The following PRICKLE2 variants were observed in gnomAD, a reference collection of about 807,000 sequenced individuals.
PRICKLE2 encodes prickle-like protein 2.
In PRICKLE2, 21 loss-of-function variants were observed where a neutral mutation model predicts 81.4. The observed-to-expected ratio is 0.26, with a 90% CI of 0.18 to 0.37. The LOEUF (loss-of-function observed/expected upper bound fraction) is 0.37. Ranked by LOEUF, PRICKLE2 falls within the 10% of genes least tolerant of loss-of-function variation. PRICKLE2 has a pLI of 1.00. For synonymous variants in PRICKLE2, 456 were observed against 421.5 expected, an observed-to-expected ratio of 1.08 and a Z score of -1.00; for missense variants, 940 against 1,109.0, an observed-to-expected ratio of 0.85 and a Z score of 2.16.
chr3:64,142,761 A>G (rs1025868176), intron 7 of PRICKLE2, among the ~76,000 whole-genome samples: 1 of 152,228 alleles, frequency 6.6e-6, no homozygotes, highest in African/African-American at 2.4e-5. Context: ...TAACCATTAT[A>G]GAAGGTCATA....
chr3:64,099,019 C>T lies in PRICKLE2; in HGVS notation c.*32G>A, dbSNP rs2076609662. 1.2e-6 allele frequency: 2 copies of T among 1,613,106 alleles called. No individual in the cohort carries two copies. Among genetic ancestry groups the T allele is most frequent in the Non-Finnish European group, 1.7e-6 (2 of 1,179,166 alleles). On this transcript the variant is annotated 3_prime_UTR_variant, in exon 8 of 8. Transcript: ENST00000638394. The surrounding 1 kb of genome is among the most constrained non-coding windows in gnomAD (Gnocchi z 4.3). ...GTTTCTGACTTTACATTCTTAGCTC[C>T]CATCTTCTCCCATTCCCTGATCCCA...
At position 64,110,180 on chromosome 3, in the gene PRICKLE2, T is replaced by G. The variant is rs139373497; in HGVS notation, c.1661-10255A>C. 3.4e-4 allele frequency among the ~76,000 whole-genome samples: 52 copies of G among 152,268 alleles called. No homozygotes were observed. The East Asian group carries it at 9.8e-3, about 29-fold the overall frequency. On this transcript the variant is annotated intron_variant, in intron 7 of 7. Transcript: ENST00000638394. ...CAACAAATTCAGACCAGTTGAAGATTTTTTTGCCAGAGTTTGCTCTGGGTT... is the reference window on the plus strand; with the variant it reads ...CAACAAATTCAGACCAGTTGAAGATGTTTTTGCCAGAGTTTGCTCTGGGTT...
intron 2 of PRICKLE2, among the ~76,000 whole-genome samples, chr3:64,263,915 G>T (rs1160407109): frequency 6.6e-6 from 1 of 152,136 alleles, no homozygotes; most frequent in African/African-American, 2.4e-5. Flanking sequence ...CATCACAGTG[G>T]ATTGTCTAAA....
chr3:64,132,293 C>G (rs2077208044), intron 7 of PRICKLE2, among the ~76,000 whole-genome samples: 1 of 152,180 alleles, frequency 6.6e-6, no homozygotes, highest in East Asian at 1.9e-4. Context: ...CCATTCTCCA[C>G]CCTACTCTGC....
chr3:64,118,871 T>TGTA (rs879425627), intron 7 of PRICKLE2, among the ~76,000 whole-genome samples: 2 of 151,910 alleles, frequency 1.3e-5, no homozygotes, highest in African/African-American at 4.8e-5. Context: ...CAAATAAATA[T>TGTA]TATATCCAAA....
At chr3:64,250,305 T>C (rs2107179468) in intron 2 of PRICKLE2, among the ~76,000 whole-genome samples, 1 of 152,338 alleles carries the variant, frequency 6.6e-6, no homozygotes, top group African/African-American at 2.4e-5. Context: ...CATCTCTGAC[T>C]TCTACCTATT....
chr3:64,136,365 T>G (rs1049687674), intron 7 of PRICKLE2, among the ~76,000 whole-genome samples: 8 of 150,106 alleles, frequency 5.3e-5, no homozygotes, highest in Admixed American at 3.3e-4. Context: ...TCTCTGGGGG[T>G]GTGTGTTCGA....
At chr3:64,180,231 C>T (rs1414948579) in intron 2 of PRICKLE2, among the ~76,000 whole-genome samples, 1 of 152,228 alleles carries the variant, frequency 6.6e-6, no homozygotes, top group Non-Finnish European at 1.5e-5. Flanking sequence ...GGTTCATCCT[C>T]AACAAAGACC....
At chr3:64,165,938 G>T (rs570344801) in intron 2 of PRICKLE2, among the ~76,000 whole-genome samples, 49 of 151,200 alleles carry the variant, frequency 3.2e-4, no homozygotes, top group Non-Finnish European at 6.2e-4. Context: ...TTGACTTCAG[G>T]GGAAAAATGG....
intron 1 of PRICKLE2, among the ~76,000 whole-genome samples, chr3:64,210,274 C>A (rs780993359): frequency 2.0e-5 from 3 of 152,136 alleles, no homozygotes; most frequent in Non-Finnish European, 4.4e-5. Context: ...TCCTTAACTC[C>A]CTGCCCCTAG....
chr3:64,150,081 C>T (rs751756224), intron 6 of PRICKLE2, among the ~76,000 whole-genome samples: 12 of 151,390 alleles, frequency 7.9e-5, no homozygotes, highest in South Asian at 2.1e-4. Context: ...CAGACAACCC[C>T]GAGCGCCGTG....
intron 1 of PRICKLE2, among the ~76,000 whole-genome samples, chr3:64,215,766 G>C (rs2078862719): frequency 6.6e-6 from 1 of 152,190 alleles, no homozygotes. Flanking sequence ...AGATGAGGTA[G>C]AGAAAAATAT....
chr3:64,217,093 C>G (rs567770679), intron 1 of PRICKLE2, among the ~76,000 whole-genome samples: 1 of 152,290 alleles, frequency 6.6e-6, no homozygotes, highest in Non-Finnish European at 1.5e-5. Context: ...CACTTCATAT[C>G]CCCTGACTAC....
At chr3:64,241,378 C>A (rs1304375513) in intron 2 of PRICKLE2, among the ~76,000 whole-genome samples, 1 of 152,214 alleles carries the variant, frequency 6.6e-6, no homozygotes, top group East Asian at 1.9e-4. Context: ...GGCGGAGAGT[C>A]AGCTCACATT....
chr3:64,142,012 T>C lies in PRICKLE2; in HGVS notation c.1660+4818A>G, dbSNP rs552075561. ...CTATTAAAAAAAAAACTACTGAATT[T>C]TCTAGCAAAATTCAAATGTAAACAG... On this transcript the variant is annotated intron_variant, in intron 7 of 7. Transcript: ENST00000638394. 140 of 905,170 alleles carry C rather than the reference T, an allele frequency of 1.5e-4. 1 individual carries two copies. The South Asian group carries it at 4.8e-3, about 31-fold the overall frequency. 56.1% of individuals were successfully genotyped at this position (905,170 alleles called of 1,614,324 possible). A position where few individuals can be genotyped will look rare whatever the true frequency, so the allele number is the denominator to read the frequency against.
intron 7 of PRICKLE2, among the ~76,000 whole-genome samples, chr3:64,114,608 G>A (rs2076904895): frequency 6.6e-6 from 1 of 151,680 alleles, no homozygotes; most frequent in South Asian, 2.1e-4. Flanking sequence ...AGAGTAACTG[G>A]AGAAAAGAAT....
chr3:64,254,678 G>C (rs1203643050), intron 2 of PRICKLE2, among the ~76,000 whole-genome samples: 2 of 152,098 alleles, frequency 1.3e-5, no homozygotes, highest in South Asian at 2.1e-4. Context: ...ATCACCTCTC[G>C]GAAGCTTTCT....
chr3:64,189,162 G>C (rs1364199806), intron 2 of PRICKLE2, among the ~76,000 whole-genome samples: 1 of 152,182 alleles, frequency 6.6e-6, no homozygotes, highest in Non-Finnish European at 1.5e-5. Context: ...AGTAACATGA[G>C]AGCCCCTGGA....
At chr3:64,122,291 T>C (rs948346722) in intron 7 of PRICKLE2, among the ~76,000 whole-genome samples, 1 of 152,120 alleles carries the variant, frequency 6.6e-6, no homozygotes, top group Non-Finnish European at 1.5e-5. Flanking sequence ...AGGTCTCAAG[T>C]AGATGTCCCC....
Sources: gnomAD v4.1 joint callset for allele counts (sites outside exome capture counted in the v4.1 genomes callset) on GRCh38, gnomAD v4.1.1 for gene constraint, Gnocchi (gnomAD v3.1) non-coding constraint, MANE v1.5 for transcripts, NCBI Gene and HGNC (gene_info 2026-07-23, HGNC 2026-07-21) for gene names.